The following DET1 variants were observed in gnomAD, a reference collection of about 807,000 sequenced individuals.
DET1 encodes DET1 homolog.
DET1 carries 22 observed loss-of-function variants against 43.7 expected under a neutral mutation model. That is an observed-to-expected ratio of 0.50 (90% CI 0.36 to 0.72). The LOEUF (loss-of-function observed/expected upper bound fraction) is 0.72. DET1 is among the 30% of genes least tolerant of loss of function. The pLI, the probability that DET1 is intolerant of heterozygous loss-of-function variation, is 0.00. For synonymous variants in DET1, 315 were observed against 266.2 expected, an observed-to-expected ratio of 1.18 and a Z score of -1.79; for missense variants, 713 against 713.3, an observed-to-expected ratio of 1.00 and a Z score of 0.00.
At chr15:88,533,752 T>C (rs1407015128) in intron 1 of DET1, among the ~76,000 whole-genome samples, 4 of 145,822 alleles carry the variant, frequency 2.7e-5, no homozygotes, top group African/African-American at 1.0e-4. Flanking sequence ...CCAGGTGCCA[T>C]AGCACACACC....
rs377391213 is a variant in DET1, at chr15:88,541,554, T to TA, written c.-11+4985dup. On this transcript the variant is annotated intron_variant, in intron 1 of 4. Coordinates refer to ENST00000268148, the MANE Select transcript of DET1 (RefSeq NM_001144074.3). ...TTCAGAGAATTACGGAGTCTGCCTT[T>TA]AAAAAGGCAAGCTCCGGACACTCTG... Among the ~76,000 whole-genome samples the TA allele has an allele frequency of 3.3e-3, 506 of 152,252 alleles. 3 individuals are homozygous for TA. Among genetic ancestry groups the TA allele is most frequent in the African/African-American group, 0.011 (476 of 41,556 alleles).
chr15:88,536,263 C>A (rs531021929), intron 1 of DET1: 6 of 750,800 alleles, frequency 8.0e-6, no homozygotes, highest in Admixed American at 1.9e-5. Flanking sequence ...TACTGATACA[C>A]CCTATATTAT....
At position 88,513,285 on chromosome 15, in the gene DET1, CAGA is replaced by C. The variant is rs551487492; in HGVS notation, c.1464-148_1464-146del. 2.2e-3 allele frequency: 1,801 copies of C among 821,950 alleles called. 4 individuals carry two copies. The highest frequency in any genetic ancestry group is 2.9e-3 in the Non-Finnish European group (1,559 of 541,518). 50.9% of individuals were successfully genotyped at this position (821,950 alleles called of 1,614,324 possible). On this transcript the variant is annotated intron_variant, in intron 4 of 4. Coordinates refer to ENST00000268148, the MANE Select transcript of DET1 (RefSeq NM_001144074.3). ...GCCTCTTATATCAGCCCCAGGTTAT[CAGA>C]AGTATAAAATCACCCTGGAATGACC...
At chr15:88,505,514 T>C (rs2056131468) in intron 7 of DET1, 1 of 152,250 alleles carries the variant, frequency 6.6e-6, no homozygotes, top group African/African-American at 2.4e-5. Context: ...CACAGTATAA[T>C]GTTTTTGAAG....
Position 88,531,508 on chromosome 15 carries a change from T to A in DET1, c.198A>T (p.Ser66=). Residue 66 remains serine, a synonymous_variant, in exon 2 of 5, where the codon TCA becomes TCT. Coordinates refer to ENST00000268148, the MANE Select transcript of DET1 (RefSeq NM_001144074.3). This position sits in a 1 kb window ranked among gnomAD's most constrained non-coding sequence, Gnocchi z 6.2. ...EKPPCFLRKF[S]PDGRYFIAFS... ...AAGCAATAAAGTAGCGTCCATCAGGTGAGAATTTACGCAAGAAACAAGGAG... is the reference window on the plus strand; with the variant it reads ...AAGCAATAAAGTAGCGTCCATCAGGAGAGAATTTACGCAAGAAACAAGGAG... The A allele has an allele frequency of 6.2e-7, 1 of 1,613,860 alleles. No individual in the cohort carries two copies. The highest frequency in any genetic ancestry group is 8.5e-7 in the Non-Finnish European group (1 of 1,179,850).
At position 88,531,624 on chromosome 15, in the gene DET1, T is replaced by C. The variant is rs758946176; in HGVS notation, c.82A>G (p.Ser28Gly). ...CAGTGGGTACCTGCCTTGCCTGAAC[T>C]GATCCGCCGGCGTTCCAAGCGGTGA... ...VIHRLERRRI[S>G]SGKAGTHWHQ... Residue 28 changes from serine (S) to glycine (G), a missense_variant, in exon 2 of 5, where the codon AGT becomes GGT. Physicochemically the swap from Ser to Gly is moderately conservative, Grantham distance 56. Transcript: ENST00000268148. The surrounding 1 kb of genome is among the most constrained non-coding windows in gnomAD (Gnocchi z 6.2). 4 of 1,613,916 alleles carry C rather than the reference T, an allele frequency of 2.5e-6. No individual in the cohort carries two copies. Among genetic ancestry groups the C allele is most frequent in the Admixed American group, 1.7e-5 (1 of 60,008 alleles).
intron 1 of DET1, among the ~76,000 whole-genome samples, chr15:88,541,261 C>T (rs185758136): frequency 7.9e-5 from 12 of 151,444 alleles, no homozygotes; most frequent in Admixed American, 4.6e-4. Context: ...CCTTTGTTCA[C>T]GTGTTTGTCT....
intron 2 of DET1, among the ~76,000 whole-genome samples, chr15:88,530,194 G>A (rs1184545227): frequency 6.6e-6 from 1 of 152,198 alleles, no homozygotes; most frequent in African/African-American, 2.4e-5. Flanking sequence ...ATTTAAGGAT[G>A]AAAGTGGGGT....
At chr15:88,527,893 A>AAAC (rs3217481) in intron 2 of DET1, 107 bp from the exon 3 acceptor site, 171,826 of 460,330 alleles carry the variant, frequency 0.37, 30,792 homozygotes, top group East Asian at 0.55. Context: ...AATTTTCCAA[A>AAAC]AACAACAACA....
At position 88,516,899 on chromosome 15, in the gene DET1, G is replaced by A. The variant is rs1451049896; in HGVS notation, c.1346C>T (p.Pro449Leu). 6.2e-7 allele frequency: 1 copy of A among 1,610,974 alleles called. No individual in the cohort carries two copies. Among genetic ancestry groups the A allele is most frequent in the Non-Finnish European group, 8.5e-7 (1 of 1,178,598 alleles). The change falls in exon 4 of 5, where the codon CCC (proline) becomes CTC (leucine). Residue 449 changes from proline (P) to leucine (L), a missense_variant. Physicochemically the swap from Pro to Leu is moderately conservative, Grantham distance 98. Transcript: ENST00000268148. The surrounding 1 kb of genome is among the most constrained non-coding windows in gnomAD (Gnocchi z 4.4). ...EAVRRLLGQL[P>L]ISAQSYSGSP... ...ACCGCTGTAAGACTGAGCACTGATGGGGAGCTGACCCAGCAGCCGGCGTAC... is the reference window on the plus strand; with the variant it reads ...ACCGCTGTAAGACTGAGCACTGATGAGGAGCTGACCCAGCAGCCGGCGTAC...
intron 8 of DET1, chr15:88,502,530 G>T (rs1432661102): frequency 6.6e-6 from 1 of 152,236 alleles, no homozygotes; most frequent in African/African-American, 2.4e-5. Context: ...GTGCAGCAGT[G>T]TGGGGAGCCT....
chr15:88,545,402 C>T (rs1404159426), intron 1 of DET1, among the ~76,000 whole-genome samples: 1 of 152,138 alleles, frequency 6.6e-6, no homozygotes, highest in African/African-American at 2.4e-5. Flanking sequence ...TTAACTGTTC[C>T]TCCACCATTC....
Position 88,531,654 on chromosome 15 carries a change from C to T in DET1, c.52G>A (p.Val18Ile). 1 of 1,613,286 alleles carries T rather than the reference C, an allele frequency of 6.2e-7. No individual in the cohort carries two copies. Among genetic ancestry groups the T allele is most frequent in the Non-Finnish European group, 8.5e-7 (1 of 1,179,252 alleles). The change falls in exon 2 of 5, where the codon GTC (valine) becomes ATC (isoleucine). Residue 18 changes from valine (V) to isoleucine (I), a missense_variant. Physicochemically the swap from Val to Ile is conservative, Grantham distance 29. Coordinates refer to ENST00000268148, the MANE Select transcript of DET1 (RefSeq NM_001144074.3). This position sits in a 1 kb window ranked among gnomAD's most constrained non-coding sequence, Gnocchi z 6.2. Reference sequence around the variant, plus strand: ...CGCCGGCGTTCCAAGCGGTGAATGACATTTTGGTTTTGGATTCTTCGAGGC... The same window carrying T: ...CGCCGGCGTTCCAAGCGGTGAATGATATTTTGGTTTTGGATTCTTCGAGGC... ...IKPRRIQNQN[V>I]IHRLERRRIS...
At chr15:88,533,038 A>G (rs2056856298) in intron 1 of DET1, among the ~76,000 whole-genome samples, 1 of 152,252 alleles carries the variant, frequency 6.6e-6, no homozygotes, top group African/African-American at 2.4e-5. Flanking sequence ...CAAATCATAT[A>G]TTGGATAAAG....
At chr15:88,525,661 C>A (rs2056641759) in intron 3 of DET1, among the ~76,000 whole-genome samples, 1 of 151,578 alleles carries the variant, frequency 6.6e-6, no homozygotes, top group Non-Finnish European at 1.5e-5. Context: ...ATCTTTTGTT[C>A]TTTTTGTTTT....
At chr15:88,513,366 T>C (rs918282743) in intron 4 of DET1, among the ~76,000 whole-genome samples, 8 of 152,228 alleles carry the variant, frequency 5.3e-5, no homozygotes, top group African/African-American at 9.6e-5. Context: ...ACTGAGTCAC[T>C]GGTCATTTCT....
chr15:88,541,733 T>C (rs960020635), intron 1 of DET1, among the ~76,000 whole-genome samples: 2 of 152,166 alleles, frequency 1.3e-5, no homozygotes, highest in Non-Finnish European at 2.9e-5. Context: ...TGATTAGAAA[T>C]CCTCCTCCAT....
intron 2 of DET1, among the ~76,000 whole-genome samples, chr15:88,528,027 C>T (rs183327232): frequency 6.6e-6 from 1 of 152,154 alleles, no homozygotes; most frequent in South Asian, 2.1e-4. Context: ...TCAATGTTGC[C>T]AGATTTTCCA....
rs115377705 is a variant in DET1 at position 88,531,770 on chromosome 15, A to T, written c.-10-55T>A. The stretch of plus-strand genomic sequence containing the variant: ...AAAGTGAAACAGAATTTACCAAAAT[A>T]TAAATATATACAAGTGAAACAGATT... On this transcript the variant is annotated intron_variant, in intron 1 of 4. Transcript: ENST00000268148. This position sits in a 1 kb window ranked among gnomAD's most constrained non-coding sequence, Gnocchi z 6.2. 1.4e-6 allele frequency: 2 copies of T among 1,479,956 alleles called. No homozygotes were observed. Among genetic ancestry groups the T allele is most frequent in the African/African-American group, 2.8e-5 (2 of 70,852 alleles). 91.7% of individuals were successfully genotyped at this position (1,479,956 alleles called of 1,614,324 possible).
Sources: gnomAD v4.1 joint callset for allele counts (sites outside exome capture counted in the v4.1 genomes callset) on GRCh38, gnomAD v4.1.1 for gene constraint, Gnocchi (gnomAD v3.1) non-coding constraint, MANE v1.5 for transcripts, NCBI Gene and HGNC (gene_info 2026-07-23, HGNC 2026-07-21) for gene names.